The following PYGL variants were observed in gnomAD, a reference collection of about 807,000 sequenced individuals.
The protein encoded by PYGL is glycogen phosphorylase L.
In PYGL, 90 loss-of-function variants were observed where a neutral mutation model predicts 100.1. The observed-to-expected ratio is 0.90, with a 90% confidence interval of 0.76 to 1.07. PYGL has a LOEUF of 1.07. Among genes scored for constraint, PYGL ranks in the 50% least tolerant of loss-of-function variants. The pLI, the probability that PYGL is intolerant of heterozygous loss-of-function variation, is 0.00. For missense variants in PYGL, 1,016 were observed against 1,057.6 expected (o/e 0.96, Z 0.55); for synonymous variants, 373 against 393.0 (o/e 0.95, Z 0.60).
chr14:50,931,592 G>T (rs1394058831), intron 4 of PYGL, 81 bp downstream of exon 4: 4 of 1,276,546 alleles, frequency 3.1e-6, no homozygotes, highest in African/African-American at 1.5e-5. Context: ...CTATGTTAAA[G>T]GTCCATATAT....
rs2050712343 is a variant in PYGL at position 50,942,799 on chromosome 14, T to C, written c.243+1362A>G. 2.1e-5 allele frequency among the ~76,000 whole-genome samples: 2 copies of C among 94,628 alleles called. 1 individual carries two copies. The highest frequency in any genetic ancestry group is 5.0e-5 in the Non-Finnish European group (2 of 40,008). The allele number at this position is 94,628 out of a possible 152,430, so 62.1% of individuals were successfully genotyped here. ...TGGCGCCGCTGCACTTCATTCAGCC[T>C]GGGCGAGAGTGAGACTCTGTCTCAA... On this transcript the variant is annotated intron_variant, in intron 1 of 19. Coordinates refer to ENST00000216392, the MANE Select transcript of PYGL (RefSeq NM_002863.5).
intron 1 of PYGL, among the ~76,000 whole-genome samples, chr14:50,940,130 C>T (rs2139200595): frequency 6.6e-6 from 1 of 152,290 alleles, no homozygotes; most frequent in East Asian, 1.9e-4. Flanking sequence ...CAGACATAGG[C>T]AATGGCTGGT....
intron 1 of PYGL, among the ~76,000 whole-genome samples, chr14:50,938,630 T>G (rs1205140895): frequency 1.3e-5 from 2 of 152,154 alleles, no homozygotes; most frequent in Non-Finnish European, 2.9e-5. Context: ...CTGCTAACAC[T>G]CCTATAGAGA....
Position 50,905,281 on chromosome 14 carries a change from A to C in PYGL, c.*111T>G. 2 of 1,146,984 alleles carry C rather than the reference A, an allele frequency of 1.7e-6. No homozygotes were observed. The highest frequency in any genetic ancestry group is 2.6e-6 in the Non-Finnish European group (2 of 776,148). 71.1% of individuals were successfully genotyped at this position (1,146,984 alleles called of 1,614,324 possible). A position where few individuals can be genotyped will look rare whatever the true frequency, so the allele number is the denominator to read the frequency against. On this transcript the variant is annotated 3_prime_UTR_variant, in exon 20 of 20. Transcript: ENST00000216392. Reference sequence around the variant, plus strand: ...ACATATAATTTCCCTCCCCATTCCCAGAGATACTCAACTATTATAGATTAT... The same window carrying C: ...ACATATAATTTCCCTCCCCATTCCCCGAGATACTCAACTATTATAGATTAT...
Position 50,934,974 on chromosome 14 carries a change from ATACATC to A in PYGL, c.424+127_424+132del, listed in dbSNP as rs374505772. The A allele has an allele frequency of 2.5e-4, 202 of 809,732 alleles. 1 individual carries two copies. In the African/African-American group the frequency reaches 3.0e-3, roughly 12 times the overall value. 50.2% of individuals were successfully genotyped at this position (809,732 alleles called of 1,614,324 possible). ...AACCAAAGTGCAAACTCAAGAACAA[ATACATC>A]TACAACCAGGTCATACCTTGCGCTT... On this transcript the variant is annotated intron_variant, in intron 3 of 19. Transcript: ENST00000216392.
At chr14:50,920,645 A>C in intron 6 of PYGL, 22 bp from the exon 7 acceptor site, 1 of 1,579,438 alleles carries the variant, frequency 6.3e-7, no homozygotes, top group Middle Eastern at 1.7e-4. Flanking sequence ...TTAGAGAAAC[A>C]ATAAATAGAG....
At chr14:50,908,020 CAAAAAAAAA>C in intron 19 of PYGL, 1 of 226,154 alleles carries the variant, frequency 4.4e-6, no homozygotes, top group Non-Finnish European at 8.1e-6. Context: ...AGATCTGTCT[CAAAAAAAAA>C]AAAAAAAAAA....
In PYGL at chr14:50,944,215, G is replaced by A. The variant is rs775851793; in HGVS notation, c.189C>T (p.His63=). The A allele has an allele frequency of 1.2e-6, 2 of 1,612,362 alleles. No individual in the cohort carries two copies. The highest frequency in any genetic ancestry group is 2.2e-5 in the South Asian group (2 of 91,078). Residue 63 remains histidine (H), a synonymous_variant, in exon 1 of 20, where the codon CAC becomes CAT. Coordinates refer to ENST00000216392, the MANE Select transcript of PYGL (RefSeq NM_002863.5). ...YFALAHTVRD[H]LVGRWIRTQQ... ...GCGTGCGGATCCAGCGCCCCACCAG[G>A]TGGTCGCGCACCGTGTGCGCCAGCG...
intron 3 of PYGL, among the ~76,000 whole-genome samples, chr14:50,934,601 T>C (rs1339568859): frequency 1.3e-5 from 2 of 152,116 alleles, no homozygotes; most frequent in Non-Finnish European, 2.9e-5. Flanking sequence ...TGTAAATATG[T>C]AGAAAAAAGG....
At chr14:50,912,341 C>T (rs749391346) in intron 13 of PYGL, 38 bp from the exon 14 acceptor site, 19 of 1,608,380 alleles carry the variant, frequency 1.2e-5, no homozygotes, top group South Asian at 8.8e-5. Flanking sequence ...CTCTTTTGGC[C>T]TAGAAGAATT....
intron 13 of PYGL, 33 bp downstream of exon 13, chr14:50,912,996 G>C: frequency 6.4e-7 from 1 of 1,553,608 alleles, no homozygotes; most frequent in Non-Finnish European, 8.9e-7. Context: ...CACAGTGAGT[G>C]CCCAGGAGGG....
chr14:50,908,467 G>C, intron 18 of PYGL, 130 bp from the exon 19 acceptor site: 1 of 903,682 alleles, frequency 1.1e-6, no homozygotes, highest in Non-Finnish European at 1.8e-6. Flanking sequence ...TCATATTTCT[G>C]TTTGTAAGAC....
chr14:50,918,886 T>G (rs572209915), intron 7 of PYGL, among the ~76,000 whole-genome samples: 1 of 152,148 alleles, frequency 6.6e-6, no homozygotes, highest in Non-Finnish European at 1.5e-5. Flanking sequence ...AGCATAGAGG[T>G]CTGCATATAG....
intron 17 of PYGL, 27 bp from the exon 18 acceptor site, chr14:50,908,982 A>G (rs773415481): frequency 6.7e-7 from 1 of 1,499,636 alleles, no homozygotes; most frequent in Non-Finnish European, 8.9e-7. Flanking sequence ...GGTGGGTGAT[A>G]AAAAAAGGCT....
chr14:50,908,837 G>A lies in PYGL; in HGVS notation c.2296C>T (p.Leu766=). The A allele has an allele frequency of 6.4e-7, 1 of 1,566,786 alleles. No homozygotes were observed. The highest frequency in any genetic ancestry group is 8.8e-7 in the Non-Finnish European group (1 of 1,137,054). ...PDLFKDIINM[L]FYHDRFKVFA... Reference sequence around the variant, plus strand: ...GGAACTCACCTGTCATGATAAAATAGCATGTTGATGATATCTTTGAAGAGG... The same window carrying A: ...GGAACTCACCTGTCATGATAAAATAACATGTTGATGATATCTTTGAAGAGG... The change falls in exon 18 of 20, where the codon CTA becomes TTA. Residue 766 remains leucine (L), a synonymous_variant. Transcript: ENST00000216392.
At chr14:50,939,572 G>C (rs2050686784) in intron 1 of PYGL, among the ~76,000 whole-genome samples, 1 of 151,340 alleles carries the variant, frequency 6.6e-6, no homozygotes. Flanking sequence ...ATACAGCACA[G>C]TTTACTAATT....
intron 4 of PYGL, among the ~76,000 whole-genome samples, chr14:50,930,601 C>T (rs929712944): frequency 1.3e-5 from 2 of 152,162 alleles, no homozygotes; most frequent in Admixed American, 6.5e-5. Context: ...TAGTTCCTCC[C>T]TTTTTTGGTT....
At chr14:50,923,774 G>T in intron 5 of PYGL, 195 bp downstream of exon 5, 1 of 566,644 alleles carries the variant, frequency 1.8e-6, no homozygotes, top group Non-Finnish European at 2.8e-6. Flanking sequence ...TCCTCTCTTG[G>T]CCTCAGCTCC....
chr14:50,913,784 G>T (rs1353325908), intron 12 of PYGL, among the ~76,000 whole-genome samples: 3 of 151,938 alleles, frequency 2.0e-5, no homozygotes, highest in Admixed American at 1.3e-4. Context: ...TGACCTCCTG[G>T]GCTCAAGCAA....
Sources: allele counts gnomAD v4.1 joint callset (sites outside exome capture counted in the v4.1 genomes callset), GRCh38; gene constraint gnomAD v4.1.1; transcripts MANE v1.5; gene names NCBI Gene and HGNC (gene_info 2026-07-23, HGNC 2026-07-21).